CALD1: variants seen among roughly 807,000 people sequenced by gnomAD.
CALD1 encodes caldesmon.
A neutral mutation model predicts 99.9 loss-of-function variants in CALD1; 33 were observed. The observed-to-expected ratio is 0.33, with a 90% confidence interval of 0.25 to 0.44. The LOEUF (loss-of-function observed/expected upper bound fraction) is 0.44. CALD1 is among the 20% of genes least tolerant of loss of function. CALD1 has a pLI of 1.00. For missense variants in CALD1, 861 were observed against 962.1 expected (o/e 0.89, Z 1.39); for synonymous variants, 310 against 325.0 (o/e 0.95, Z 0.50).
At chr7:134,836,802 C>T (rs1415953973) in intron 1 of CALD1, among the ~76,000 whole-genome samples, 1 of 152,194 alleles carries the variant, frequency 6.6e-6, no homozygotes, top group East Asian at 1.9e-4. Context: ...AACATCTGAC[C>T]TTCATGGATA....
intron 1 of CALD1, among the ~76,000 whole-genome samples, chr7:134,767,220 T>C (rs1346701492): frequency 6.7e-6 from 1 of 150,342 alleles, no homozygotes; most frequent in African/African-American, 2.5e-5. Context: ...TGTGTGTGTG[T>C]GTGTGCGTGT....
chr7:134,744,937 G>A (rs749385112), intron 1 of CALD1, among the ~76,000 whole-genome samples: 17 of 152,076 alleles, frequency 1.1e-4, no homozygotes, highest in Non-Finnish European at 2.2e-4. Context: ...ATTGTGCCAC[G>A]TATCATAGTA....
intron 2 of CALD1, among the ~76,000 whole-genome samples, chr7:134,858,432 T>C (rs1367180532): frequency 1.3e-5 from 2 of 152,102 alleles, no homozygotes; most frequent in Non-Finnish European, 2.9e-5. Flanking sequence ...TGCTGACCCA[T>C]ACAACACCCC....
chr7:134,741,208 TG>T (rs1796589387), upstream of CALD1, among the ~76,000 whole-genome samples: 1 of 152,160 alleles, frequency 6.6e-6, no homozygotes, highest in South Asian at 2.1e-4. Context: ...TCCATAAGGC[TG>T]GGGAGGCCTC....
intron 1 of CALD1, among the ~76,000 whole-genome samples, chr7:134,755,873 T>C (rs1291940013): frequency 6.6e-6 from 1 of 152,228 alleles, no homozygotes; most frequent in African/African-American, 2.4e-5. Flanking sequence ...CTGATTCTTT[T>C]ATAGTTTTAC....
the CALD1 span, among the ~76,000 whole-genome samples, chr7:134,717,405 A>G: frequency 6.6e-6 from 1 of 152,252 alleles, no homozygotes; most frequent in East Asian, 1.9e-4. Flanking sequence ...TACCTTGCTT[A>G]CAATGGCCAA....
intron 1 of CALD1, among the ~76,000 whole-genome samples, chr7:134,797,854 AG>A (rs2131821907): frequency 6.6e-6 from 1 of 152,246 alleles, no homozygotes; most frequent in African/African-American, 2.4e-5. Context: ...GGCTTCCCAA[AG>A]TGTTTGGATT....
chr7:134,905,731 T>C (rs777820873), intron 3 of CALD1, among the ~76,000 whole-genome samples: 6 of 151,992 alleles, frequency 3.9e-5, no homozygotes, highest in African/African-American at 1.2e-4. Context: ...CCCTTAAATA[T>C]CTAGCCCAGG....
At chr7:134,897,387 T>A (rs1586236593) in intron 3 of CALD1, among the ~76,000 whole-genome samples, 1 of 147,302 alleles carries the variant, frequency 6.8e-6, no homozygotes, top group Non-Finnish European at 1.5e-5. Flanking sequence ...TATATATATA[T>A]AAATATATAT....
Position 134,941,232 on chromosome 7 carries a change from T to C in CALD1, c.1527T>C (p.Thr509=). 1.3e-6 allele frequency: 2 copies of C among 1,596,316 alleles called. No homozygotes were observed. The highest frequency in any genetic ancestry group is 1.7e-6 in the Non-Finnish European group (2 of 1,174,960). Reference sequence around the variant, plus strand: ...ACAAACTTAAACATACTGAGAATACTTTCAGGTAAGAAGTAGCAACTAGTT... The same window carrying C: ...ACAAACTTAAACATACTGAGAATACCTTCAGGTAAGAAGTAGCAACTAGTT... ...MTHKLKHTEN[T]FSRPGGRASV... The change falls in exon 7 of 15, where the codon ACT becomes ACC. Residue 509 remains threonine (T), a synonymous_variant. Coordinates refer to ENST00000361675, the MANE Select transcript of CALD1 (RefSeq NM_033138.4).
chr7:134,847,194 C>T (rs532240617), intron 2 of CALD1, among the ~76,000 whole-genome samples: 2 of 152,268 alleles, frequency 1.3e-5, no homozygotes, highest in South Asian at 4.1e-4. Context: ...TGAAGTCAGT[C>T]GAAGCTCCAG....
intron 2 of CALD1, among the ~76,000 whole-genome samples, chr7:134,860,780 T>C (rs749458777): frequency 6.6e-6 from 1 of 152,208 alleles, no homozygotes; most frequent in Non-Finnish European, 1.5e-5. Context: ...GAATTATAGA[T>C]ATTCAAGGAG....
chr7:134,798,073 A>G (rs960431200), intron 1 of CALD1, among the ~76,000 whole-genome samples: 1 of 152,254 alleles, frequency 6.6e-6, no homozygotes, highest in Non-Finnish European at 1.5e-5. Flanking sequence ...ATTATTAATG[A>G]AAGTCCAACC....
chr7:134,847,838 C>G (rs1799916222), intron 2 of CALD1, among the ~76,000 whole-genome samples: 1 of 152,170 alleles, frequency 6.6e-6, no homozygotes, highest in African/African-American at 2.4e-5. Context: ...GAACTCCTTT[C>G]CAGGCTTTTT....
chr7:134,920,647 A>G, intron 3 of CALD1: 1 of 1,289,344 alleles, frequency 7.8e-7, no homozygotes, highest in Non-Finnish European at 1.0e-6. Flanking sequence ...GACTTCTTAT[A>G]TGAAAGTGGA....
chr7:134,797,173 C>T (rs985815386), intron 1 of CALD1, among the ~76,000 whole-genome samples: 12 of 152,052 alleles, frequency 7.9e-5, no homozygotes, highest in African/African-American at 2.7e-4. Flanking sequence ...TTTGTAGAGA[C>T]GAGGTTTCAT....
At chr7:134,731,533 T>C in the CALD1 span, among the ~76,000 whole-genome samples, 2 of 152,214 alleles carry the variant, frequency 1.3e-5, no homozygotes, top group African/African-American at 2.4e-5. Flanking sequence ...GCTTAATTGC[T>C]TTACATGATT....
At chr7:134,838,692 C>A (rs1161252193) in intron 1 of CALD1, among the ~76,000 whole-genome samples, 1 of 152,314 alleles carries the variant, frequency 6.6e-6, no homozygotes, top group South Asian at 2.1e-4. Context: ...TTGATCCCAG[C>A]CTTCCCAACT....
intron 1 of CALD1, among the ~76,000 whole-genome samples, chr7:134,812,353 C>T (rs1055724185): frequency 1.3e-5 from 2 of 152,032 alleles, no homozygotes; most frequent in African/African-American, 4.8e-5. Context: ...ACTACTTCTC[C>T]CAAAGTTGGA....
Sources: allele counts gnomAD v4.1 joint callset (sites outside exome capture counted in the v4.1 genomes callset), GRCh38; gene constraint gnomAD v4.1.1; transcripts MANE v1.5; gene names NCBI Gene and HGNC (gene_info 2026-07-23, HGNC 2026-07-21).